TLX1: variants seen among roughly 807,000 people sequenced by gnomAD.
The protein encoded by TLX1 is T-cell leukemia homeobox protein 1.
In TLX1, 6 loss-of-function variants were observed where a neutral mutation model predicts 26.5. The observed-to-expected ratio is 0.23, with a 90% CI of 0.12 to 0.45. TLX1 has a LOEUF of 0.45. Ranked by LOEUF, TLX1 falls within the 20% of genes least tolerant of loss-of-function variation. The pLI is 0.99. For synonymous variants in TLX1, 217 were observed against 219.7 expected, an observed-to-expected ratio of 0.99 and a Z score of 0.11; for missense variants, 418 against 482.6, an observed-to-expected ratio of 0.87 and a Z score of 1.25.
intron 2 of TLX1, among the ~76,000 whole-genome samples, chr10:101,135,710 A>G (rs898396955): frequency 1.2e-4 from 18 of 152,358 alleles, no homozygotes; most frequent in African/African-American, 4.3e-4. Context: ...CAGCCTGCAG[A>G]AGTCTTATTT....
intron 2 of TLX1, among the ~76,000 whole-genome samples, chr10:101,136,480 C>T (rs1940296370): frequency 6.6e-6 from 1 of 152,220 alleles, no homozygotes; most frequent in East Asian, 1.9e-4. Flanking sequence ...CTCTGGGATA[C>T]CTTGGCTCCA....
At position 101,134,182 on chromosome 10, in the gene TLX1, CT is replaced by C; in HGVS notation, c.577del (p.Tyr193IlefsTer48). The C allele has an allele frequency of 6.2e-7, 1 of 1,604,318 alleles. No homozygotes were observed. Among genetic ancestry groups the C allele is most frequent in the Non-Finnish European group, 8.5e-7 (1 of 1,175,860 alleles). On this transcript the variant is annotated frameshift_variant, in exon 2 of 3. Transcript: ENST00000370196. LOFTEE classifies it high-confidence loss of function. ...YTKDRFTGHP[Y>X]QNRTPPKKKK... is the part of the protein sequence containing the mutation. ...CTGTAACACGCCGTATAGGTCACCC[CT>C]ATCAGAACCGGACGCCCCCCAAGAA... is the stretch of plus-strand genomic sequence containing the variant.
At position 101,136,744 on chromosome 10, in the gene TLX1, T is replaced by A; in HGVS notation, c.824T>A (p.Leu275His). The A allele has an allele frequency of 6.2e-7, 1 of 1,613,182 alleles. No homozygotes were observed. Among genetic ancestry groups the A allele is most frequent in the Non-Finnish European group, 8.5e-7 (1 of 1,179,984 alleles). ...EAERQQANRILLQLQQEAFQK... is the reference protein window; with the variant it reads ...EAERQQANRIHLQLQQEAFQK... ...GAGAGGCAGCAAGCGAACCGCATCC[T>A]CCTGCAGTTGCAGCAGGAGGCCTTC... Residue 275 changes from leucine to histidine, a missense_variant, in exon 3 of 3, where the codon CTC (leucine) becomes CAC (histidine). By Grantham distance (99) the Leu-to-His change is moderately conservative. Transcript: ENST00000370196.
rs1020332070 is a variant in TLX1, at chr10:101,131,399, C to G, written c.-143C>G. ...CCCCTCTCTCCCTCCCCTCCCCCTT[C>G]TACTTTAGCCTTTCTGCGCACTTCG... On this transcript the variant is annotated 5_prime_UTR_variant, in exon 1 of 3. Coordinates refer to ENST00000370196, the MANE Select transcript of TLX1 (RefSeq NM_005521.4). 1 of 504,914 alleles carries G rather than the reference C, an allele frequency of 2.0e-6. No individual in the cohort carries two copies. Among genetic ancestry groups the G allele is most frequent in the African/African-American group, 2.0e-5 (1 of 50,024 alleles). 31.3% of individuals were successfully genotyped at this position (504,914 alleles called of 1,614,324 possible).
intron 2 of TLX1, 27 bp from the exon 3 acceptor site, chr10:101,136,664 G>T (rs1330984393): frequency 1.2e-6 from 2 of 1,612,832 alleles, no homozygotes; most frequent in African/African-American, 2.7e-5. Context: ...GGTGCTCCTG[G>T]CAGGTAACGG....
intron 1 of TLX1, among the ~76,000 whole-genome samples, chr10:101,133,480 C>T (rs1022903829): frequency 3.9e-5 from 6 of 152,204 alleles, no homozygotes; most frequent in Non-Finnish European, 5.9e-5. Flanking sequence ...TCCCATTCCC[C>T]ACCCAGGCCA....
rs1302593871 is a variant in TLX1, at chr10:101,131,419, A to C, written c.-123A>C. 3.0e-6 allele frequency: 2 copies of C among 668,444 alleles called. No individual in the cohort carries two copies. Among genetic ancestry groups the C allele is most frequent in the Non-Finnish European group, 4.4e-6 (2 of 453,702 alleles). The allele number at this position is 668,444 out of a possible 1,614,324, so 41.4% of individuals were successfully genotyped here. A position where few individuals can be genotyped will look rare whatever the true frequency, so the allele number is the denominator to read the frequency against. ...CCCTTCTACTTTAGCCTTTCTGCGC[A>C]CTTCGCTTCCAAGTCTCCGCGCAGC... On this transcript the variant is annotated 5_prime_UTR_variant, in exon 1 of 3. Coordinates refer to ENST00000370196, the MANE Select transcript of TLX1 (RefSeq NM_005521.4).
rs1940324696 is a variant in TLX1, at chr10:101,137,683, G to GC, written c.*770_*771insC. On this transcript the variant is annotated 3_prime_UTR_variant, in exon 3 of 3. Transcript: ENST00000370196. The stretch of plus-strand genomic sequence containing the variant: ...TTTCTCCAGAACCCATTTGAGGGGT[G>GC]GGGGGGTGTTAATTTATGCACTTAT... 4.3e-6 allele frequency: 1 copy of GC among 231,024 alleles called. No homozygotes were observed. Among genetic ancestry groups the GC allele is most frequent in the African/African-American group, 2.2e-5 (1 of 44,484 alleles). 14.3% of individuals were successfully genotyped at this position (231,024 alleles called of 1,614,324 possible).
Position 101,134,300 on chromosome 10 carries a change from G to A in TLX1, c.694G>A (p.Ala232Thr), listed in dbSNP as rs1940242316. The A allele has an allele frequency of 1.9e-6, 3 of 1,611,956 alleles. No individual in the cohort carries two copies. The African/African-American group carries it at 4.0e-5, about 22-fold the overall frequency. ...GAAGTACCTGGCCTCGGCCGAGCGC[G>A]CCGCCCTGGCCAAGGCGCTCAAAAT... ...RQKYLASAER[A>T]ALAKALKMTD... The change falls in exon 2 of 3, where the codon GCC becomes ACC. Residue 232 changes from alanine (A) to threonine (T), a missense_variant. Coordinates refer to ENST00000370196, the MANE Select transcript of TLX1 (RefSeq NM_005521.4).
At position 101,131,897 on chromosome 10, in the gene TLX1, G is replaced by C; in HGVS notation, c.356G>C (p.Ser119Thr). ...CCCGGTCCTGGCGGCGGCGGCGGCA[G>C]CAGCGGCGGTGCCGGGGCACTCAGC... ...GGPGPGGGGG[S>T]SGGAGALSAA... The change falls in exon 1 of 3, where the codon AGC becomes ACC. Residue 119 changes from serine (S) to threonine (T), a missense_variant. Around this residue, in one of 3 missense-constraint regions of TLX1, gnomAD observed 322 missense variants for 344.6 expected, o/e 0.93. Coordinates refer to ENST00000370196, the MANE Select transcript of TLX1 (RefSeq NM_005521.4). 1 of 1,394,840 alleles carries C rather than the reference G, an allele frequency of 7.2e-7. No homozygotes were observed. Among genetic ancestry groups the C allele is most frequent in the Non-Finnish European group, 9.2e-7 (1 of 1,082,928 alleles). The allele number at this position is 1,394,840 out of a possible 1,614,324, so 86.4% of individuals were successfully genotyped here.
chr10:101,134,984 C>A (rs1940262821), intron 2 of TLX1, among the ~76,000 whole-genome samples: 1 of 152,248 alleles, frequency 6.6e-6, no homozygotes, highest in African/African-American at 2.4e-5. Flanking sequence ...CAATTAGGAG[C>A]AGATGGGTGT....
chr10:101,131,700 C>G lies in TLX1; in HGVS notation c.159C>G (p.Gly53=), dbSNP rs763630862. Residue 53 remains glycine (G), a synonymous_variant, in exon 1 of 3, where the codon GGC becomes GGG. Coordinates refer to ENST00000370196, the MANE Select transcript of TLX1 (RefSeq NM_005521.4). ...ACGGCCTTGGCTGCTTGGTCGGAGG[C>G]GCCTACACTTACGGCGGCGGGGGCT... The part of the protein sequence containing the change: ...GEYGLGCLVG[G]AYTYGGGGSA... 2.7e-6 allele frequency: 4 copies of G among 1,506,866 alleles called. No individual in the cohort carries two copies. Among genetic ancestry groups the G allele is most frequent in the Non-Finnish European group, 3.5e-6 (4 of 1,134,968 alleles). 93.3% of individuals were successfully genotyped at this position (1,506,866 alleles called of 1,614,324 possible). A position where few individuals can be genotyped will look rare whatever the true frequency, so the allele number is the denominator to read the frequency against.
At position 101,131,504 on chromosome 10, in the gene TLX1, C is replaced by G. The variant is rs769004487; in HGVS notation, c.-38C>G. 1 of 1,398,524 alleles carries G rather than the reference C, an allele frequency of 7.2e-7. No homozygotes were observed. The highest frequency in any genetic ancestry group is 9.3e-7 in the Non-Finnish European group (1 of 1,077,150). The allele number at this position is 1,398,524 out of a possible 1,614,324, so 86.6% of individuals were successfully genotyped here. On this transcript the variant is annotated 5_prime_UTR_variant, in exon 1 of 3. Transcript: ENST00000370196. ...TGCCCCCCGAGCCGAGCGCAGCGAG[C>G]GCCGCCGCCCGGGCCCCCCGGTGGG...
Position 101,131,517 on chromosome 10 carries a change from G to A in TLX1, c.-25G>A, listed in dbSNP as rs762344186. The A allele has an allele frequency of 6.9e-5, 98 of 1,417,084 alleles. No homozygotes were observed. The highest frequency in any genetic ancestry group is 8.8e-5 in the Non-Finnish European group (96 of 1,087,212). The allele number at this position is 1,417,084 out of a possible 1,614,324, so 87.8% of individuals were successfully genotyped here. A position where few individuals can be genotyped will look rare whatever the true frequency, so the allele number is the denominator to read the frequency against. ...GAGCGCAGCGAGCGCCGCCGCCCGG[G>A]CCCCCCGGTGGGGCCAGGGCCAGCA... On this transcript the variant is annotated 5_prime_UTR_variant, in exon 1 of 3. Coordinates refer to ENST00000370196, the MANE Select transcript of TLX1 (RefSeq NM_005521.4).
In TLX1 at chr10:101,136,798, C is replaced by T; in HGVS notation, c.878C>T (p.Ala293Val). ...AAGAGCCTGGCACAGCCGCTGCCCGCTGACCCTCTGTGCGTGCACAACTCG... is the reference window on the plus strand; with the variant it reads ...AAGAGCCTGGCACAGCCGCTGCCCGTTGACCCTCTGTGCGTGCACAACTCG... ...FQKSLAQPLP[A>V]DPLCVHNSSL... The change falls in exon 3 of 3, where the codon GCT (alanine) becomes GTT (valine). Residue 293 changes from alanine to valine, a missense_variant. Physicochemically the swap from Ala to Val is moderately conservative, Grantham distance 64 (BLOSUM62 0). This residue lies in a region of TLX1 where 78 missense variants were observed against 92.2 expected (regional missense o/e 0.85). Transcript: ENST00000370196. 6.2e-7 allele frequency: 1 copy of T among 1,613,600 alleles called. No individual in the cohort carries two copies. The highest frequency in any genetic ancestry group is 8.5e-7 in the Non-Finnish European group (1 of 1,180,036).
chr10:101,131,738 C>G lies in TLX1; in HGVS notation c.197C>G (p.Thr66Arg). Residue 66 changes from threonine (T) to arginine (R), a missense_variant, in exon 1 of 3, where the codon ACG (threonine) becomes AGG (arginine). This residue lies in a region of TLX1 where 322 missense variants were observed against 344.6 expected (regional missense o/e 0.93). Transcript: ENST00000370196. ...TYGGGGSAAA[T>R]GAGGAGAYGT... ...GGCGGCGGGGGCTCCGCGGCCGCGACGGGGGCTGGAGGAGCGGGGGCCTAT... is the reference window on the plus strand; with the variant it reads ...GGCGGCGGGGGCTCCGCGGCCGCGAGGGGGGCTGGAGGAGCGGGGGCCTAT... 1.4e-6 allele frequency: 2 copies of G among 1,435,810 alleles called. No homozygotes were observed. The highest frequency in any genetic ancestry group is 1.8e-6 in the Non-Finnish European group (2 of 1,100,418). 88.9% of individuals were successfully genotyped at this position (1,435,810 alleles called of 1,614,324 possible). A position where few individuals can be genotyped will look rare whatever the true frequency, so the allele number is the denominator to read the frequency against.
At chr10:101,136,553 AG>A (rs1403271768) in intron 2 of TLX1, 137 bp from the exon 3 acceptor site, 8 of 1,430,336 alleles carry the variant, frequency 5.6e-6, no homozygotes, top group Non-Finnish European at 6.8e-6. Flanking sequence ...AACGCGTTAT[AG>A]GGGCCCAAAC....
At chr10:101,133,867 G>A (rs1940230372) in intron 1 of TLX1, among the ~76,000 whole-genome samples, 1 of 152,192 alleles carries the variant, frequency 6.6e-6, no homozygotes, top group South Asian at 2.1e-4. Flanking sequence ...GCCTTAGACT[G>A]CCCCTGGAGG....
At chr10:101,135,678 G>GA (rs564712539) in intron 2 of TLX1, among the ~76,000 whole-genome samples, 18 of 151,524 alleles carry the variant, frequency 1.2e-4, no homozygotes, top group Admixed American at 2.0e-4. Flanking sequence ...CCCGCTCAAG[G>GA]AAAAAAAAGG....
Sources: allele counts gnomAD v4.1 joint callset (sites outside exome capture counted in the v4.1 genomes callset), GRCh38; gene constraint gnomAD v4.1.1; regional missense constraint gnomAD v4.1.1; transcripts MANE v1.5; gene names NCBI Gene and HGNC (gene_info 2026-07-23, HGNC 2026-07-21).